TMEM74: variants seen among roughly 807,000 people sequenced by gnomAD.
TMEM74 encodes transmembrane protein 74.
TMEM74 carries 13 observed loss-of-function variants against 18.1 expected under a neutral mutation model. The ratio of observed to expected loss-of-function variants is 0.72; its 90% CI spans 0.47 to 1.14. The LOEUF is 1.14. Among genes scored for constraint, TMEM74 ranks in the 50% most tolerant of loss-of-function variants. The probability of loss-of-function intolerance (pLI) is 0.00; values close to 1 mark genes in which losing one functional copy is unlikely to be tolerated. For missense variants in TMEM74, 372 were observed against 375.9 expected (o/e 0.99, Z 0.09); for synonymous variants, 159 against 146.6 (o/e 1.08, Z -0.61).
At chr8:108,715,554 G>C (rs1161258673) in intron 1 of TMEM74, among the ~76,000 whole-genome samples, 4 of 152,030 alleles carry the variant, frequency 2.6e-5, no homozygotes, top group Non-Finnish European at 5.9e-5. Flanking sequence ...AGTCAGACAA[G>C]TTGTCTGACA....
chr8:108,776,887 A>G (rs1814240377), downstream of TMEM74, among the ~76,000 whole-genome samples: 1 of 152,230 alleles, frequency 6.6e-6, no homozygotes, highest in Non-Finnish European at 1.5e-5. Flanking sequence ...CATGATGATC[A>G]GTAATCATCT....
intron 1 of TMEM74, among the ~76,000 whole-genome samples, chr8:108,707,127 C>A (rs1176366444): frequency 1.5e-5 from 2 of 132,278 alleles, no homozygotes; most frequent in African/African-American, 2.9e-5. Flanking sequence ...TAGGTGGGAA[C>A]TGAACAATGA....
chr8:108,661,312 C>A (rs370622973), intron 1 of TMEM74, among the ~76,000 whole-genome samples: 2 of 149,532 alleles, frequency 1.3e-5, no homozygotes, highest in East Asian at 2.0e-4. Context: ...TTATGATTTG[C>A]AAGAATTGCT....
At chr8:108,692,879 A>G (rs1563527650) in intron 1 of TMEM74, among the ~76,000 whole-genome samples, 1 of 152,184 alleles carries the variant, frequency 6.6e-6, no homozygotes, top group South Asian at 2.1e-4. Flanking sequence ...CTGCAGCCCT[A>G]TTCAAAACAG....
At chr8:108,742,196 G>A (rs1022768609) in intron 1 of TMEM74, among the ~76,000 whole-genome samples, 7 of 152,032 alleles carry the variant, frequency 4.6e-5, no homozygotes, top group African/African-American at 1.4e-4. Flanking sequence ...TTGGGTACGA[G>A]GCTTAGTACC....
At chr8:108,724,868 AG>A (rs1019496735) in intron 1 of TMEM74, among the ~76,000 whole-genome samples, 2 of 152,164 alleles carry the variant, frequency 1.3e-5, no homozygotes, top group Admixed American at 6.5e-5. Context: ...GACTTATTTA[AG>A]GAAGATATCA....
Position 108,780,035 on chromosome 8 carries a change from G to A in TMEM74, c.*4146C>T, listed in dbSNP as rs1814283786. ...TTCTTAAGTACTCTTTTTAGACTAGGAAAAGCCAGTAAGACTTCATTATAA... is the reference window on the plus strand; with the variant it reads ...TTCTTAAGTACTCTTTTTAGACTAGAAAAAGCCAGTAAGACTTCATTATAA... On this transcript the variant is annotated 3_prime_UTR_variant, in exon 2 of 2. Coordinates refer to ENST00000297459, the MANE Select transcript of TMEM74 (RefSeq NM_153015.3). Among the ~76,000 whole-genome samples, 1 of 152,130 alleles carries A rather than the reference G, an allele frequency of 6.6e-6. No individual in the cohort carries two copies. Among genetic ancestry groups the A allele is most frequent in the Admixed American group, 6.5e-5 (1 of 15,280 alleles).
intron 1 of TMEM74, among the ~76,000 whole-genome samples, chr8:108,675,014 G>A (rs1813042392): frequency 6.6e-6 from 1 of 152,184 alleles, no homozygotes; most frequent in Admixed American, 6.6e-5. Flanking sequence ...TTACTGAGGA[G>A]TTAATACCCT....
At chr8:108,611,586 A>G (rs1812334161) in intron 2 of TMEM74, among the ~76,000 whole-genome samples, 1 of 152,216 alleles carries the variant, frequency 6.6e-6, no homozygotes, top group Non-Finnish European at 1.5e-5. Flanking sequence ...CAATACACAA[A>G]TAAGAGCTGG....
At chr8:108,754,655 G>C (rs11997303) in intron 1 of TMEM74, among the ~76,000 whole-genome samples, 33 of 143,744 alleles carry the variant, frequency 2.3e-4, no homozygotes, top group South Asian at 8.4e-4. Flanking sequence ...AGGTAGGTAG[G>C]TAGGTAGCTA....
intron 1 of TMEM74, among the ~76,000 whole-genome samples, chr8:108,688,627 T>C (rs1813195565): frequency 6.6e-6 from 1 of 152,246 alleles, no homozygotes; most frequent in African/African-American, 2.4e-5. Flanking sequence ...GCCAAAGGAA[T>C]CTATATTTAT....
intron 1 of TMEM74, among the ~76,000 whole-genome samples, chr8:108,720,543 A>C (rs910589231): frequency 1.3e-5 from 2 of 152,198 alleles, no homozygotes; most frequent in African/African-American, 4.8e-5. Flanking sequence ...TTGTAGAAAT[A>C]TTTTAAAGCT....
intron 1 of TMEM74, among the ~76,000 whole-genome samples, chr8:108,746,879 G>C (rs934936671): frequency 1.3e-5 from 2 of 152,052 alleles, no homozygotes; most frequent in African/African-American, 4.8e-5. Context: ...GTCTGGAGAG[G>C]GCATAGAAGT....
At chr8:108,723,779 G>A (rs1224574761) in intron 1 of TMEM74, among the ~76,000 whole-genome samples, 4 of 152,128 alleles carry the variant, frequency 2.6e-5, no homozygotes, top group Non-Finnish European at 5.9e-5. Flanking sequence ...GCACATTAAA[G>A]GGGGGACTTA....
At chr8:108,693,676 T>C (rs1312004933) in intron 1 of TMEM74, among the ~76,000 whole-genome samples, 4 of 152,236 alleles carry the variant, frequency 2.6e-5, no homozygotes, top group African/African-American at 7.2e-5. Context: ...TGTTTCTCTG[T>C]TGACTAAATG....
chr8:108,609,797 A>G (rs979927555), intron 2 of TMEM74, among the ~76,000 whole-genome samples: 1 of 152,236 alleles, frequency 6.6e-6, no homozygotes, highest in Non-Finnish European at 1.5e-5. Flanking sequence ...CATTGCAATG[A>G]TTATTGTCAT....
intron 1 of TMEM74, among the ~76,000 whole-genome samples, chr8:108,707,623 G>A (rs1586268515): frequency 6.6e-6 from 1 of 152,260 alleles, no homozygotes; most frequent in East Asian, 1.9e-4. Context: ...ATTGGGTTGT[G>A]AAAACTGGAT....
chr8:108,681,533 C>A (rs911541217), intron 1 of TMEM74, among the ~76,000 whole-genome samples: 5 of 152,174 alleles, frequency 3.3e-5, no homozygotes, highest in African/African-American at 2.4e-5. Flanking sequence ...GGATTAAGTT[C>A]TCTTAAATAG....
intron 1 of TMEM74, among the ~76,000 whole-genome samples, chr8:108,722,409 T>C (rs978244946): frequency 1.3e-5 from 2 of 152,200 alleles, no homozygotes; most frequent in Non-Finnish European, 2.9e-5. Flanking sequence ...GGTGAACAAC[T>C]TGAAGACAGG....
Sources: allele counts gnomAD v4.1 joint callset (sites outside exome capture counted in the v4.1 genomes callset), GRCh38; gene constraint gnomAD v4.1.1; transcripts MANE v1.5; gene names NCBI Gene and HGNC (gene_info 2026-07-23, HGNC 2026-07-21).